Variants in CHRD observed in about 807,000 individuals in gnomAD.
CHRD encodes chordin.
Under a neutral mutation model 113.7 loss-of-function variants are expected in CHRD, and 69 were observed. The ratio of observed to expected loss-of-function variants is 0.61; its 90% CI spans 0.50 to 0.74. The LOEUF (loss-of-function observed/expected upper bound fraction) is 0.74. Ranked by LOEUF, CHRD falls within the 30% of genes least tolerant of loss-of-function variation. The pLI, the probability that CHRD is intolerant of heterozygous loss-of-function variation, is 0.00. For missense variants in CHRD, 1,194 were observed against 1,295.8 expected, an observed-to-expected ratio of 0.92 and a Z score of 1.21; for synonymous variants, 561 against 540.8, an observed-to-expected ratio of 1.04 and a Z score of -0.52.
Position 184,387,056 on chromosome 3 carries a change from C to G in CHRD, c.2296C>G (p.Gln766Glu). 6.2e-7 allele frequency: 1 copy of G among 1,614,086 alleles called. No individual in the cohort carries two copies. Among genetic ancestry groups the G allele is most frequent in the Non-Finnish European group, 8.5e-7 (1 of 1,179,986 alleles). ...CCATTTCTTTGGCTCCACAGAGAAA[C>G]AAGATGTCAGAGACTTGCCAGGGCT... Residue 766 changes from glutamine to glutamate, a missense_variant, in exon 18 of 23, where the codon CAA (glutamine) becomes GAA (glutamate). Coordinates refer to ENST00000204604, the Ensembl canonical transcript of CHRD. The surrounding 1 kb of genome is among the most constrained non-coding windows in gnomAD (Gnocchi z 6.1).
exon 23 of CHRD, chr3:184,389,634 T>G (rs1716903948): frequency 1.8e-6 from 1 of 561,660 alleles, no homozygotes. Flanking sequence ...CTCCAAGTCC[T>G]GCCCTGCCAC....
At position 184,384,867 on chromosome 3, in the gene CHRD, A is replaced by G; in HGVS notation, c.1598-151A>G. The G allele has an allele frequency of 2.5e-6, 3 of 1,203,628 alleles. No homozygotes were observed. Among genetic ancestry groups the G allele is most frequent in the East Asian group, 2.3e-5 (1 of 42,564 alleles). 74.6% of individuals were successfully genotyped at this position (1,203,628 alleles called of 1,614,324 possible). A position where few individuals can be genotyped will look rare whatever the true frequency, so the allele number is the denominator to read the frequency against. ...GGACTCTTCCTGTTGCTGAGGTTCAAGGGTCTAAAACTTGCTGCTCTCCAG... is the reference window on the plus strand; with the variant it reads ...GGACTCTTCCTGTTGCTGAGGTTCAGGGGTCTAAAACTTGCTGCTCTCCAG... On this transcript the variant is annotated intron_variant, in intron 13 of 22. Coordinates refer to ENST00000204604, the Ensembl canonical transcript of CHRD. The surrounding 1 kb of genome is among the most constrained non-coding windows in gnomAD (Gnocchi z 4.4).
Position 184,380,351 on chromosome 3 carries a change from G to T in CHRD, c.33G>T (p.Leu11=), listed in dbSNP as rs1360961273. The T allele has an allele frequency of 7.4e-7, 1 of 1,353,380 alleles. No individual in the cohort carries two copies. Among genetic ancestry groups the T allele is most frequent in the Non-Finnish European group, 9.6e-7 (1 of 1,042,380 alleles). 83.8% of individuals were successfully genotyped at this position (1,353,380 alleles called of 1,614,324 possible). A position where few individuals can be genotyped will look rare whatever the true frequency, so the allele number is the denominator to read the frequency against. The stretch of plus-strand genomic sequence containing the variant: ...GCCTCCCGGCCCCGCCGGCCCCGCT[G>T]CTGCTCCTCGGGCTGCTGCTGCTCG... Residue 11 remains leucine (L), a synonymous_variant, in exon 1 of 23, where the codon CTG becomes CTT. Coordinates refer to ENST00000204604, the Ensembl canonical transcript of CHRD. This position sits in a 1 kb window ranked among gnomAD's most constrained non-coding sequence, Gnocchi z 6.3.
At position 184,382,770 on chromosome 3, in the gene CHRD, T is replaced by TGG; in HGVS notation, c.982_982+1dup. 6.2e-7 allele frequency: 1 copy of TGG among 1,612,326 alleles called. No homozygotes were observed. The highest frequency in any genetic ancestry group is 8.5e-7 in the Non-Finnish European group (1 of 1,179,506). ...TCCGAGGGCTGCTGGAACCCAGGAG[T>TGG]GGGGGTAAGTGGGATGGGGGCAAAA... On this transcript the variant is annotated frameshift_variant, in exon 8 of 23. Coordinates refer to ENST00000204604, the Ensembl canonical transcript of CHRD. LOFTEE classifies it high-confidence loss of function.
chr3:184,386,109 T>A, exon 15 of CHRD: 1 of 1,614,182 alleles, frequency 6.2e-7, no homozygotes, highest in South Asian at 1.1e-5. Context: ...AGGCATGGCC[T>A]CCCTGATGAT....
At chr3:184,382,277 C>T (rs561303757) in intron 6 of CHRD, 112 bp from the exon 7 acceptor site, 8 of 1,523,464 alleles carry the variant, frequency 5.3e-6, no homozygotes, top group Middle Eastern at 2.2e-4. Flanking sequence ...CTTCCTAGGG[C>T]ACCCTGGAGG....
chr3:184,388,720 C>G lies in CHRD; in HGVS notation c.2688C>G (p.Ser896Arg). Residue 896 changes from serine (S) to arginine (R), a missense_variant, in exon 21 of 23, where the codon AGC (serine) becomes AGG (arginine). By Grantham distance (110) the Ser-to-Arg change is moderately radical (BLOSUM62 -1). Coordinates refer to ENST00000204604, the Ensembl canonical transcript of CHRD. The surrounding 1 kb of genome is among the most constrained non-coding windows in gnomAD (Gnocchi z 6.1). The stretch of plus-strand genomic sequence containing the variant: ...CAGTGCCCCCTTTTGGAGAGATGAG[C>G]TGTATCACCTGCAGATGTGGGGTAA... 1 of 1,614,010 alleles carries G rather than the reference C, an allele frequency of 6.2e-7. No individual in the cohort carries two copies. The highest frequency in any genetic ancestry group is 8.5e-7 in the Non-Finnish European group (1 of 1,180,004).
intron 15 of CHRD, 70 bp from the exon 16 acceptor site, chr3:184,386,422 C>T: frequency 1.3e-6 from 2 of 1,516,824 alleles, no homozygotes; most frequent in South Asian, 2.5e-5. Flanking sequence ...CTCCTGCTGG[C>T]TGGCCAGCTG....
chr3:184,381,793 C>T lies in CHRD; in HGVS notation c.589C>T (p.Arg197Cys), dbSNP rs202036042. 39 of 1,613,202 alleles carry T rather than the reference C, an allele frequency of 2.4e-5. No homozygotes were observed. The highest frequency in any genetic ancestry group is 1.6e-4 in the Middle Eastern group (1 of 6,082). The change falls in exon 5 of 23, where the codon CGC (arginine) becomes TGC (cysteine). Residue 197 changes from arginine (R) to cysteine (C), a missense_variant. Coordinates refer to ENST00000204604, the Ensembl canonical transcript of CHRD. This position sits in a 1 kb window ranked among gnomAD's most constrained non-coding sequence, Gnocchi z 4.7. ...AGTCTCGCTGCTGCGCTCTAGCCTC[C>T]GCTTCTCTATCTCCTACAGGCGGTG...
exon 6 of CHRD, chr3:184,382,004 C>G: frequency 6.2e-7 from 1 of 1,614,060 alleles, no homozygotes; most frequent in Non-Finnish European, 8.5e-7. Flanking sequence ...CCTGCAGCCC[C>G]CACCCAAGAT....
At position 184,384,239 on chromosome 3, in the gene CHRD, T is replaced by C. The variant is rs557430499; in HGVS notation, c.1441-298T>C. On this transcript the variant is annotated intron_variant, in intron 12 of 22. Coordinates refer to ENST00000204604, the Ensembl canonical transcript of CHRD. The surrounding 1 kb of genome is among the most constrained non-coding windows in gnomAD (Gnocchi z 4.4). ...ATGTAATGGCAATGGTTGCTACTTA[T>C]AGGGCCTTTCCATGTGCTAGGTGCT... 6.6e-6 allele frequency among the ~76,000 whole-genome samples: 1 copy of C among 152,366 alleles called. No individual in the cohort carries two copies. The highest frequency in any genetic ancestry group is 2.4e-5 in the African/African-American group (1 of 41,586).
exon 15 of CHRD, chr3:184,386,097 A>G: frequency 6.2e-7 from 1 of 1,614,212 alleles, no homozygotes; most frequent in Non-Finnish European, 8.5e-7. Context: ...GCACCTGGCA[A>G]AAGGCATGGC....
chr3:184,387,048 C>T lies in CHRD; in HGVS notation c.2291-3C>T, dbSNP rs768788172. 5.0e-6 allele frequency: 8 copies of T among 1,614,022 alleles called. No homozygotes were observed. The East Asian group carries it at 1.1e-4, about 22-fold the overall frequency. On this transcript the variant is annotated splice_region_variant and splice_polypyrimidine_tract_variant and intron_variant, in intron 17 of 22. Coordinates refer to ENST00000204604, the Ensembl canonical transcript of CHRD. The surrounding 1 kb of genome is among the most constrained non-coding windows in gnomAD (Gnocchi z 6.1). The stretch of plus-strand genomic sequence containing the variant: ...TGCTTTCACCATTTCTTTGGCTCCA[C>T]AGAGAAACAAGATGTCAGAGACTTG...
intron 10 of CHRD, 53 bp from the exon 11 acceptor site, chr3:184,383,259 G>T: frequency 6.3e-7 from 1 of 1,593,666 alleles, no homozygotes; most frequent in Non-Finnish European, 8.6e-7. Context: ...GTGGACTGGG[G>T]GTGTAAGCGG....
In CHRD at chr3:184,381,594, G is replaced by T. The variant is rs1715430372; in HGVS notation, c.481G>T (p.Glu161Ter). The change falls in exon 4 of 23, where the codon GAG (glutamate) becomes TAG (stop). Residue 161 changes from glutamate (E) to a stop codon, truncating the protein, a stop_gained. Coordinates refer to ENST00000204604, the Ensembl canonical transcript of CHRD. LOFTEE classifies it high-confidence loss of function. This position sits in a 1 kb window ranked among gnomAD's most constrained non-coding sequence, Gnocchi z 4.7. ...TAGCGACCGCGGGGAGCCAGGCGCT[G>T]AGGAGCGGGCCCGTGGTGACGGCCA... 6.2e-7 allele frequency: 1 copy of T among 1,607,910 alleles called. No homozygotes were observed. Among genetic ancestry groups the T allele is most frequent in the Non-Finnish European group, 8.5e-7 (1 of 1,177,354 alleles).
At chr3:184,383,191 C>G (rs377236619) in intron 10 of CHRD, 28 bp downstream of exon 10, 4 of 1,591,262 alleles carry the variant, frequency 2.5e-6, no homozygotes, top group Non-Finnish European at 2.6e-6. Context: ...CCTGGTGCGC[C>G]GGGCATGCAC....
At chr3:184,383,145 G>A in exon 10 of CHRD, 3 of 1,600,350 alleles carry the variant, frequency 1.9e-6, no homozygotes, top group East Asian at 2.2e-5. Context: ...ACACATTGCT[G>A]CCAGGAAGAG....
In CHRD at chr3:184,383,170, C is replaced by CGGGG; in HGVS notation, c.1213+14_1213+17dup. The CGGGG allele has an allele frequency of 7.2e-7, 1 of 1,388,410 alleles. No individual in the cohort carries two copies. Among genetic ancestry groups the CGGGG allele is most frequent in the Non-Finnish European group, 9.7e-7 (1 of 1,036,188 alleles). 86.0% of individuals were successfully genotyped at this position (1,388,410 alleles called of 1,614,324 possible). On this transcript the variant is annotated splice_region_variant and intron_variant, in intron 10 of 22. Transcript: ENST00000204604. The stretch of plus-strand genomic sequence containing the variant: ...GCCAGGAAGAGCTGCGACGGTGAGG[C>CGGGG]GGGGGGGGGGCCTGGTGCGCCGGGC...
chr3:184,390,256 T>A (rs989943547), downstream of CHRD: 2 of 106,996 alleles, frequency 1.9e-5, no homozygotes, highest in African/African-American at 7.3e-5. Context: ...CTCCCTTCCC[T>A]CTCCCTTCCC....
Sources: allele counts gnomAD v4.1 joint callset (sites outside exome capture counted in the v4.1 genomes callset), GRCh38; gene constraint gnomAD v4.1.1; non-coding constraint Gnocchi (gnomAD v3.1); transcripts MANE v1.5; gene names NCBI Gene and HGNC (gene_info 2026-07-23, HGNC 2026-07-21).